IGF2BP3: variants seen among roughly 807,000 people sequenced by gnomAD.
IGF2BP3 encodes the protein insulin-like growth factor 2 mRNA-binding protein 3.
IGF2BP3 carries 9 observed loss-of-function variants against 73.8 expected under a neutral mutation model. The ratio of observed to expected loss-of-function variants is 0.12; its 90% CI spans 0.07 to 0.21. IGF2BP3 has a LOEUF of 0.21. IGF2BP3 is among the 10% of genes least tolerant of loss of function. The probability of loss-of-function intolerance (pLI) is 1.00; values close to 1 mark genes in which losing one functional copy is unlikely to be tolerated. For missense variants in IGF2BP3, 542 were observed against 714.0 expected (o/e 0.76, Z 2.75); for synonymous variants, 258 against 256.7 (o/e 1.01, Z -0.05).
chr7:23,469,629 C>T lies in IGF2BP3; in HGVS notation c.175+307G>A, dbSNP rs113230093. ...CCGGGGCCTGGAGCACGCGCCTGGG[C>T]CCGGGCGGGGCGCCGGGGGAGCGCG... On this transcript the variant is annotated intron_variant, in intron 1 of 14. Transcript: ENST00000258729. This position sits in a 1 kb window ranked among gnomAD's most constrained non-coding sequence, Gnocchi z 6.1. 4.6e-3 allele frequency: 755 copies of T among 165,858 alleles called. 2 individuals carry two copies. Among genetic ancestry groups the T allele is most frequent in the Non-Finnish European group, 7.2e-3 (559 of 77,268 alleles). 10.3% of individuals were successfully genotyped at this position (165,858 alleles called of 1,614,324 possible).
intron 5 of IGF2BP3, among the ~76,000 whole-genome samples, chr7:23,353,162 C>T (rs1303933035): frequency 6.6e-6 from 1 of 152,162 alleles, no homozygotes; most frequent in Non-Finnish European, 1.5e-5. Flanking sequence ...CCTGAGTTCA[C>T]CCCAGGTGGG....
intron 3 of IGF2BP3, among the ~76,000 whole-genome samples, chr7:23,407,046 A>G (rs1056326812): frequency 1.4e-4 from 21 of 152,148 alleles, no homozygotes; most frequent in African/African-American, 4.6e-4. Flanking sequence ...GCTGATGAAG[A>G]TTTTAAGAGA....
chr7:23,450,920 A>G (rs1438885584), intron 2 of IGF2BP3, among the ~76,000 whole-genome samples: 1 of 152,168 alleles, frequency 6.6e-6, no homozygotes, highest in Non-Finnish European at 1.5e-5. Flanking sequence ...CACTTGTCAT[A>G]TTTTGATGTA....
chr7:23,399,479 A>G (rs1477439048), intron 3 of IGF2BP3, among the ~76,000 whole-genome samples: 3 of 151,956 alleles, frequency 2.0e-5, no homozygotes, highest in Non-Finnish European at 2.9e-5. Context: ...AACCTGGGAA[A>G]GGCAAGCAAA....
chr7:23,356,052 G>T (rs1424410745), intron 5 of IGF2BP3, among the ~76,000 whole-genome samples: 2 of 152,054 alleles, frequency 1.3e-5, no homozygotes, highest in Admixed American at 1.3e-4. Flanking sequence ...GAAAAAAGGA[G>T]AAGAAATGAG....
intron 3 of IGF2BP3, among the ~76,000 whole-genome samples, chr7:23,368,897 CA>C (rs201937406): frequency 1.6e-4 from 20 of 122,406 alleles, no homozygotes; most frequent in African/African-American, 3.2e-4. Context: ...AACTTTGTCT[CA>C]AAAAAAAAAG....
At chr7:23,454,002 A>AT (rs1326147253) in intron 2 of IGF2BP3, among the ~76,000 whole-genome samples, 1 of 151,752 alleles carries the variant, frequency 6.6e-6, no homozygotes, top group Non-Finnish European at 1.5e-5. Context: ...AATTTTTGTT[A>AT]TTTTTTGCAG....
intron 2 of IGF2BP3, among the ~76,000 whole-genome samples, chr7:23,455,178 A>C (rs908562472): frequency 2.6e-5 from 4 of 152,232 alleles, no homozygotes; most frequent in African/African-American, 9.6e-5. Flanking sequence ...CTTAGCTCCT[A>C]AAGTCAAACA....
intron 3 of IGF2BP3, chr7:23,362,528 A>T (rs10255155): frequency 0.38 from 57,227 of 151,968 alleles, 10,894 homozygotes; most frequent in Middle Eastern, 0.49. Flanking sequence ...TGTTTTTACC[A>T]TCTTTCCTGT....
At chr7:23,442,422 G>C (rs1275588362) in intron 2 of IGF2BP3, among the ~76,000 whole-genome samples, 2 of 151,682 alleles carry the variant, frequency 1.3e-5, no homozygotes, top group African/African-American at 4.8e-5. Context: ...TTTTTAGATG[G>C]AGACTTGCTC....
intron 3 of IGF2BP3, among the ~76,000 whole-genome samples, chr7:23,387,950 T>G (rs1786140400): frequency 6.6e-6 from 1 of 152,174 alleles, no homozygotes; most frequent in African/African-American, 2.4e-5. Flanking sequence ...TTTTTTCTTT[T>G]TTTTGAGATG....
At chr7:23,354,946 G>A (rs549638536) in intron 5 of IGF2BP3, among the ~76,000 whole-genome samples, 92 of 152,220 alleles carry the variant, frequency 6.0e-4, no homozygotes, top group African/African-American at 2.1e-3. Flanking sequence ...GCAGAATGGC[G>A]GCTTTCTCAT....
chr7:23,460,198 A>AAAAAAAAAAAG (rs1788415402), intron 2 of IGF2BP3, among the ~76,000 whole-genome samples: 4 of 144,288 alleles, frequency 2.8e-5, no homozygotes, highest in Non-Finnish European at 6.1e-5. Flanking sequence ...AAAAAAAAAC[A>AAAAAAAAAAAG]AAAACGAAAG....
Position 23,403,628 on chromosome 7 carries a change from G to A in IGF2BP3, c.285+15148C>T, listed in dbSNP as rs1390835693. 3.3e-5 allele frequency among the ~76,000 whole-genome samples: 5 copies of A among 152,154 alleles called. No homozygotes were observed. The South Asian group carries it at 8.3e-4, about 25-fold the overall frequency. ...TATTTCCACGTTTGAGATGACAGAA[G>A]AATATACAGTTTAGATACAGTAGCA... On this transcript the variant is annotated intron_variant, in intron 3 of 14. Coordinates refer to ENST00000258729, the MANE Select transcript of IGF2BP3 (RefSeq NM_006547.3).
At chr7:23,407,201 A>C (rs1412706285) in intron 3 of IGF2BP3, among the ~76,000 whole-genome samples, 1 of 151,780 alleles carries the variant, frequency 6.6e-6, no homozygotes, top group African/African-American at 2.4e-5. Context: ...AAAAAAGAAA[A>C]AAAGAAACAA....
At chr7:23,390,800 CTT>C (rs1162886168) in intron 3 of IGF2BP3, among the ~76,000 whole-genome samples, 9 of 135,384 alleles carry the variant, frequency 6.6e-5, no homozygotes, top group Admixed American at 1.5e-4. Flanking sequence ...TTATTGTTGC[CTT>C]TTTTTTTTTT....
chr7:23,363,631 A>C (rs914655672), intron 3 of IGF2BP3, among the ~76,000 whole-genome samples: 2 of 152,168 alleles, frequency 1.3e-5, no homozygotes, highest in Non-Finnish European at 2.9e-5. Flanking sequence ...GCATGAGGTA[A>C]ATTTAATTTT....
chr7:23,420,766 A>T (rs1435314021), intron 2 of IGF2BP3, among the ~76,000 whole-genome samples: 6 of 152,210 alleles, frequency 3.9e-5, no homozygotes, highest in Admixed American at 3.9e-4. Context: ...TGGAGGAGGG[A>T]AGGAAGAGAA....
chr7:23,461,702 G>A (rs62468785), intron 2 of IGF2BP3, among the ~76,000 whole-genome samples: 19,548 of 152,192 alleles, frequency 0.13, 1,358 homozygotes, highest in African/African-American at 0.16. Flanking sequence ...TTACAACTGT[G>A]CTAAATGCAA....
Sources: allele counts gnomAD v4.1 joint callset (sites outside exome capture counted in the v4.1 genomes callset), GRCh38; gene constraint gnomAD v4.1.1; non-coding constraint Gnocchi (gnomAD v3.1); transcripts MANE v1.5; gene names NCBI Gene and HGNC (gene_info 2026-07-23, HGNC 2026-07-21).